The following DOCK5 variants were observed in gnomAD, a reference collection of about 807,000 sequenced individuals.
DOCK5 encodes dedicator of cytokinesis protein 5.
Under a neutral mutation model 251.8 loss-of-function variants are expected in DOCK5, and 142 were observed. That is an observed-to-expected ratio of 0.56 (90% CI 0.49 to 0.65). The LOEUF is 0.65. Among genes scored for constraint, DOCK5 ranks in the 30% least tolerant of loss-of-function variants. The pLI, the probability that DOCK5 is intolerant of heterozygous loss-of-function variation, is 0.00. For missense variants in DOCK5, 2,111 were observed against 2,312.3 expected (o/e 0.91, Z 1.79); for synonymous variants, 842 against 835.5 (o/e 1.01, Z -0.13).
At chr8:25,354,849 T>C (rs1586356061) in intron 27 of DOCK5, among the ~76,000 whole-genome samples, 1 of 152,334 alleles carries the variant, frequency 6.6e-6, no homozygotes, top group African/African-American at 2.4e-5. Flanking sequence ...CTGATTATTG[T>C]TACATTTTTT....
intron 5 of DOCK5, among the ~76,000 whole-genome samples, chr8:25,280,157 T>C (rs1011388363): frequency 2.0e-5 from 3 of 152,254 alleles, no homozygotes; most frequent in African/African-American, 7.2e-5. Flanking sequence ...GGTTCCAGCC[T>C]TCTGTGGCTG....
At position 25,390,113 on chromosome 8, in the gene DOCK5, C is replaced by T. The variant is rs145707550; in HGVS notation, c.4274-93C>T. ...CAAAGGGAGTGATTGGTGCTGGTGG[C>T]ATTTCCGGCTGTGAAGCAGGAGGAA... is the stretch of plus-strand genomic sequence containing the variant. On this transcript the variant is annotated intron_variant, in intron 41 of 51. Transcript: ENST00000276440. 9.5e-3 allele frequency: 9,985 copies of T among 1,050,796 alleles called. 67 individuals carry two copies. The highest frequency in any genetic ancestry group is 0.011 in the Non-Finnish European group (8,314 of 730,588). 65.1% of individuals were successfully genotyped at this position (1,050,796 alleles called of 1,614,324 possible).
intron 1 of DOCK5, among the ~76,000 whole-genome samples, chr8:25,216,159 ATATG>A (rs1277577517): frequency 4.0e-5 from 6 of 149,256 alleles, no homozygotes; most frequent in African/African-American, 9.9e-5. Context: ...CAATATGTAT[ATATG>A]TATACAATAT....
rs187038688 is a variant in DOCK5 at position 25,343,297 on chromosome 8, C to T, written c.2617+790C>T. Among the ~76,000 whole-genome samples the T allele has an allele frequency of 2.8e-3, 424 of 152,270 alleles. 1 individual carries two copies. The highest frequency in any genetic ancestry group is 0.012 in the South Asian group (60 of 4,822). On this transcript the variant is annotated intron_variant, in intron 25 of 51. Coordinates refer to ENST00000276440, the MANE Select transcript of DOCK5 (RefSeq NM_024940.8). ...GTACTGGGATTACAGGCATAATTACCGTGCCCAGTCAGCACTTGACTTTTC... is the reference window on the plus strand; with the variant it reads ...GTACTGGGATTACAGGCATAATTACTGTGCCCAGTCAGCACTTGACTTTTC...
At chr8:25,189,046 C>CTTTTTTTTTTTTT (rs869176300) in intron 1 of DOCK5, among the ~76,000 whole-genome samples, 6 of 33,438 alleles carry the variant, frequency 1.8e-4, no homozygotes, top group Non-Finnish European at 4.1e-4. Context: ...TTCTTTCTTT[C>CTTTTTTTTTTTTT]TTTTTTTTTT....
intron 3 of DOCK5, among the ~76,000 whole-genome samples, chr8:25,274,530 C>T (rs528952256): frequency 3.9e-5 from 6 of 152,152 alleles, no homozygotes; most frequent in African/African-American, 1.4e-4. Context: ...GATTTCTATC[C>T]ACCAGTTTCT....
intron 39 of DOCK5, 51 bp downstream of exon 39, chr8:25,380,445 G>A (rs746444299): frequency 1.4e-5 from 20 of 1,461,982 alleles, no homozygotes; most frequent in Non-Finnish European, 1.8e-5. Context: ...GCTAAAATTA[G>A]CACTCATGAA....
Position 25,308,989 on chromosome 8 carries a change from C to T in DOCK5, c.1192+64C>T, listed in dbSNP as rs1358111668. 5.8e-6 allele frequency: 9 copies of T among 1,559,458 alleles called. No homozygotes were observed. In the Admixed American group the frequency reaches 1.6e-4, roughly 28 times the overall value. ...GGGTGGGGGACATTCACAGCTGGGT[C>T]CTTGGACTCCTGCCCTTTATTATCT... is the stretch of plus-strand genomic sequence containing the variant. On this transcript the variant is annotated intron_variant, in intron 12 of 51. Coordinates refer to ENST00000276440, the MANE Select transcript of DOCK5 (RefSeq NM_024940.8).
At chr8:25,362,462 C>CTTTTCT (rs1800703206) in intron 28 of DOCK5, among the ~76,000 whole-genome samples, 5 of 54,646 alleles carry the variant, frequency 9.1e-5, no homozygotes, top group South Asian at 1.4e-3. Flanking sequence ...CTTTTCTTTT[C>CTTTTCT]TTTTTTTTTT....
chr8:25,261,706 G>GC (rs762894413), intron 2 of DOCK5, among the ~76,000 whole-genome samples: 11 of 152,200 alleles, frequency 7.2e-5, no homozygotes, highest in Non-Finnish European at 1.0e-4. Context: ...CTAACATTCC[G>GC]ATCAAGATAA....
At chr8:25,257,413 A>G (rs1803447377) in intron 2 of DOCK5, among the ~76,000 whole-genome samples, 1 of 152,198 alleles carries the variant, frequency 6.6e-6, no homozygotes, top group Non-Finnish European at 1.5e-5. Context: ...TGTGATTCCC[A>G]CTGGGGTCCT....
At chr8:25,198,377 G>A (rs1368966638) in intron 1 of DOCK5, among the ~76,000 whole-genome samples, 1 of 152,072 alleles carries the variant, frequency 6.6e-6, no homozygotes, top group Admixed American at 6.5e-5. Context: ...TTCAAGACCA[G>A]CCTGGCCAAC....
intron 1 of DOCK5, among the ~76,000 whole-genome samples, chr8:25,221,015 A>G (rs1212299821): frequency 6.6e-6 from 1 of 152,006 alleles, no homozygotes; most frequent in African/African-American, 2.4e-5. Flanking sequence ...TATTTGTCCC[A>G]TCTCTCAAAT....
chr8:25,329,108 T>C (rs2117212664), intron 18 of DOCK5, among the ~76,000 whole-genome samples: 1 of 152,330 alleles, frequency 6.6e-6, no homozygotes, highest in Admixed American at 6.5e-5. Flanking sequence ...CTTTCTTTTC[T>C]CTTTAAAAGT....
chr8:25,376,103 G>GAAAAAAAAAAAAAAAAAAAAAA (rs59845416), intron 37 of DOCK5: 1 of 715,328 alleles, frequency 1.4e-6, no homozygotes. Context: ...TGTCTCAAAA[G>GAAAAAAAAAAAAAAAAAAAAAA]AAAAAAAAAA....
chr8:25,296,007 A>T lies in DOCK5; in HGVS notation c.471-506A>T, dbSNP rs189302749. On this transcript the variant is annotated intron_variant, in intron 6 of 51. Coordinates refer to ENST00000276440, the MANE Select transcript of DOCK5 (RefSeq NM_024940.8). ...GCTAATTTTTGTATTTTTAGCAGAG[A>T]CAGGGTTTCAACATGTTGCCCAGGC... is the stretch of plus-strand genomic sequence containing the variant. Among the ~76,000 whole-genome samples the T allele has an allele frequency of 6.3e-3, 954 of 152,172 alleles. 3 individuals carry two copies. The highest frequency in any genetic ancestry group is 9.7e-3 in the Non-Finnish European group (659 of 68,026).
chr8:25,323,967 A>C lies in DOCK5; in HGVS notation c.1719+16A>C. The C allele has an allele frequency of 6.3e-7, 1 of 1,589,052 alleles. No homozygotes were observed. The highest frequency in any genetic ancestry group is 8.6e-7 in the Non-Finnish European group (1 of 1,167,988). ...GGTTTATAAGGTGGTGCTAACAGAA[A>C]ATGGCTGAGAAAAATACTCCCTTTC... On this transcript the variant is annotated intron_variant, in intron 17 of 51. Transcript: ENST00000276440.
intron 17 of DOCK5, 81 bp downstream of exon 17, chr8:25,324,032 A>G: frequency 7.2e-7 from 1 of 1,397,232 alleles, no homozygotes; most frequent in East Asian, 2.5e-5. Context: ...TATTTGTACA[A>G]ACATCAGAAA....
chr8:25,361,900 T>C (rs570510973), intron 28 of DOCK5, among the ~76,000 whole-genome samples: 28 of 152,322 alleles, frequency 1.8e-4, no homozygotes, highest in African/African-American at 6.5e-4. Flanking sequence ...CAGGCAGAAC[T>C]GTGTAGGTTA....
Sources: gnomAD v4.1 joint callset for allele counts (sites outside exome capture counted in the v4.1 genomes callset) on GRCh38, gnomAD v4.1.1 for gene constraint, MANE v1.5 for transcripts, NCBI Gene and HGNC (gene_info 2026-07-23, HGNC 2026-07-21) for gene names.